Variants in SMYD3 observed in about 807,000 individuals in gnomAD.
The protein encoded by SMYD3 is SET and MYND domain containing 3.
In SMYD3, 36 loss-of-function variants were observed where a neutral mutation model predicts 57.7. The observed-to-expected ratio is 0.62, with a 90% CI of 0.48 to 0.82. SMYD3 has a LOEUF of 0.82. Ranked by LOEUF, SMYD3 falls within the 40% of genes least tolerant of loss-of-function variation. The pLI is 0.00. For missense variants in SMYD3, 515 were observed against 538.8 expected, an observed-to-expected ratio of 0.96 and a Z score of 0.44; for synonymous variants, 211 against 195.0, an observed-to-expected ratio of 1.08 and a Z score of -0.68.
intron 1 of SMYD3, among the ~76,000 whole-genome samples, chr1:246,391,413 AGAG>A (rs2066567446): frequency 2.9e-5 from 2 of 68,896 alleles, no homozygotes; most frequent in African/African-American, 1.4e-4. Context: ...AGAGAAAGAG[AGAG>A]AAAAAGAGAG....
intron 10 of SMYD3, among the ~76,000 whole-genome samples, chr1:245,766,805 A>C (rs1282791425): frequency 6.6e-6 from 1 of 152,216 alleles, no homozygotes; most frequent in Admixed American, 6.5e-5. Flanking sequence ...CTACGATGGC[A>C]GAGAAAGCGG....
intron 1 of SMYD3, among the ~76,000 whole-genome samples, chr1:246,444,413 C>G (rs938293327): frequency 2.6e-5 from 4 of 152,148 alleles, no homozygotes; most frequent in Non-Finnish European, 5.9e-5. Flanking sequence ...CATGAGCCAT[C>G]GCGCCCAGCC....
intron 5 of SMYD3, among the ~76,000 whole-genome samples, chr1:246,254,460 A>C (rs1304507370): frequency 6.6e-6 from 1 of 151,920 alleles, no homozygotes; most frequent in Non-Finnish European, 1.5e-5. Context: ...GTATGGCTTT[A>C]TTTTGGGGTT....
intron 1 of SMYD3, among the ~76,000 whole-genome samples, chr1:246,443,911 T>A (rs1016221442): frequency 6.6e-6 from 1 of 152,146 alleles, no homozygotes; most frequent in African/African-American, 2.4e-5. Flanking sequence ...AAAAAATTCA[T>A]ATTTCATTTC....
At chr1:246,046,544 C>A (rs2059968790) in intron 5 of SMYD3, among the ~76,000 whole-genome samples, 1 of 151,664 alleles carries the variant, frequency 6.6e-6, no homozygotes, top group South Asian at 2.1e-4. Context: ...TTAATGGGTG[C>A]AGCACACCAA....
In SMYD3 at chr1:246,355,944, G is replaced by A. The variant is rs2065904652; in HGVS notation, c.165-850C>T. ...CTAAGAAACCTGAATAGGTAACCAG[G>A]CGACCTTAGGGCAAGTTTGCTTCCT... On this transcript the variant is annotated intron_variant, in intron 1 of 11. Transcript: ENST00000490107. This position sits in a 1 kb window ranked among gnomAD's most constrained non-coding sequence, Gnocchi z 5.0. Among the ~76,000 whole-genome samples the A allele has an allele frequency of 6.6e-6, 1 of 152,128 alleles. No homozygotes were observed. The highest frequency in any genetic ancestry group is 2.4e-5 in the African/African-American group (1 of 41,416).
intron 5 of SMYD3, among the ~76,000 whole-genome samples, chr1:246,271,283 C>T (rs4443862): frequency 0.33 from 50,758 of 151,908 alleles, 9,345 homozygotes; most frequent in East Asian, 0.72. Flanking sequence ...TTTTGATGCA[C>T]CAAATTTTTT....
chr1:245,863,930 A>C (rs755559697), intron 8 of SMYD3, 44 bp from the exon 9 acceptor site: 26 of 1,576,256 alleles, frequency 1.6e-5, no homozygotes, highest in Non-Finnish European at 2.3e-5. Flanking sequence ...AATTAGTAAT[A>C]GGCAAAGGAC....
intron 10 of SMYD3, among the ~76,000 whole-genome samples, chr1:245,789,531 C>A (rs2047180138): frequency 6.6e-6 from 1 of 152,034 alleles, no homozygotes; most frequent in South Asian, 2.1e-4. Context: ...AGGGGATGAC[C>A]CCCAAATTCT....
chr1:246,150,986 G>A (rs906651917), intron 5 of SMYD3, among the ~76,000 whole-genome samples: 1 of 152,076 alleles, frequency 6.6e-6, no homozygotes, highest in South Asian at 2.1e-4. Context: ...AGTGGCTCAC[G>A]CCTGTAATCC....
chr1:246,238,248 C>T (rs1259265887), intron 5 of SMYD3, among the ~76,000 whole-genome samples: 2 of 152,128 alleles, frequency 1.3e-5, no homozygotes, highest in African/African-American at 2.4e-5. Flanking sequence ...CCAGGCTGCA[C>T]TCGAACTCCT....
intron 5 of SMYD3, among the ~76,000 whole-genome samples, chr1:246,103,384 G>C (rs1330767502): frequency 6.6e-6 from 1 of 151,676 alleles, no homozygotes; most frequent in Non-Finnish European, 1.5e-5. Flanking sequence ...AAAATTATCT[G>C]TATCTTCATC....
intron 1 of SMYD3, among the ~76,000 whole-genome samples, chr1:246,455,813 A>C (rs1473573663): frequency 6.6e-6 from 1 of 152,250 alleles, no homozygotes; most frequent in African/African-American, 2.4e-5. Flanking sequence ...GCATTCCTTT[A>C]AATAAACTTG....
intron 10 of SMYD3, among the ~76,000 whole-genome samples, chr1:245,781,670 C>T (rs1453832625): frequency 1.3e-5 from 2 of 152,198 alleles, no homozygotes; most frequent in African/African-American, 4.8e-5. Context: ...CTCCAAATTC[C>T]ATAGCGACCA....
intron 7 of SMYD3, among the ~76,000 whole-genome samples, chr1:245,921,861 G>C (rs1466022434): frequency 6.6e-6 from 1 of 152,024 alleles, no homozygotes; most frequent in Admixed American, 6.6e-5. Flanking sequence ...TAGGGCAAGG[G>C]GTGAAAAACT....
intron 1 of SMYD3, among the ~76,000 whole-genome samples, chr1:246,364,388 C>A (rs1012513464): frequency 6.6e-5 from 10 of 152,174 alleles, no homozygotes; most frequent in African/African-American, 2.4e-4. Context: ...ACAGCTCTTT[C>A]TAAGCACTTC....
chr1:246,469,862 G>GT (rs899768322), intron 1 of SMYD3, among the ~76,000 whole-genome samples: 26 of 152,316 alleles, frequency 1.7e-4, no homozygotes, highest in Non-Finnish European at 2.6e-4. Flanking sequence ...GGGAAAAACA[G>GT]TAACTACTCA....
intron 10 of SMYD3, among the ~76,000 whole-genome samples, chr1:245,786,213 C>CGGCG (rs1553321335): frequency 9.6e-6 from 1 of 104,040 alleles, no homozygotes; most frequent in African/African-American, 4.0e-5. Context: ...GGGGTGTGGA[C>CGGCG]GGGGGGGGGA....
intron 5 of SMYD3, among the ~76,000 whole-genome samples, chr1:246,022,463 C>G (rs750424399): frequency 2.0e-5 from 3 of 152,182 alleles, no homozygotes; most frequent in Non-Finnish European, 4.4e-5. Flanking sequence ...CACACACTAA[C>G]AGTGCGACCT....
Sources: allele counts gnomAD v4.1 joint callset (sites outside exome capture counted in the v4.1 genomes callset), GRCh38; gene constraint gnomAD v4.1.1; non-coding constraint Gnocchi (gnomAD v3.1); transcripts MANE v1.5; gene names NCBI Gene and HGNC (gene_info 2026-07-23, HGNC 2026-07-21).